PDE5A: variants seen among roughly 807,000 people sequenced by gnomAD.
The protein encoded by PDE5A is phosphodiesterase 5A, also known as cGMP-specific 3',5'-cyclic phosphodiesterase.
PDE5A carries 67 observed loss-of-function variants against 110.2 expected under a neutral mutation model. The ratio of observed to expected loss-of-function variants is 0.61; its 90% CI spans 0.50 to 0.75. The LOEUF (loss-of-function observed/expected upper bound fraction) is 0.75. Among genes scored for constraint, PDE5A ranks in the 30% least tolerant of loss-of-function variants. The probability of loss-of-function intolerance (pLI) is 0.00; values close to 1 mark genes in which losing one functional copy is unlikely to be tolerated. For synonymous variants in PDE5A, 328 were observed against 351.2 expected (o/e 0.93, Z 0.74); for missense variants, 862 against 1,045.1 (o/e 0.82, Z 2.42).
intron 1 of PDE5A, among the ~76,000 whole-genome samples, chr4:119,612,395 C>T (rs909191980): frequency 1.3e-5 from 2 of 152,128 alleles, no homozygotes; most frequent in Admixed American, 6.5e-5. Flanking sequence ...CCCACCATCC[C>T]GTCCTTGTTC....
chr4:119,515,614 C>G (rs1725883012), intron 14 of PDE5A, among the ~76,000 whole-genome samples: 1 of 152,072 alleles, frequency 6.6e-6, no homozygotes, highest in Non-Finnish European at 1.5e-5. Context: ...TACATATTTC[C>G]CAGCTCTTTC....
chr4:119,521,445 A>C (rs1726125310), intron 12 of PDE5A, among the ~76,000 whole-genome samples: 1 of 151,508 alleles, frequency 6.6e-6, no homozygotes, highest in African/African-American at 2.4e-5. Flanking sequence ...GAGAGTCCAA[A>C]GGTTCACATA....
Position 119,498,411 on chromosome 4 carries a change from TA to T in PDE5A, c.*189del. On this transcript the variant is annotated 3_prime_UTR_variant, in exon 21 of 21. Transcript: ENST00000354960. ...TTTCAGTTCAGTAGCATAAAACAAA[TA>T]TACAAAAAATATGTAATAGTCCTCT... 2 of 575,706 alleles carry T rather than the reference TA, an allele frequency of 3.5e-6. No homozygotes were observed. The highest frequency in any genetic ancestry group is 5.6e-5 in the East Asian group (2 of 35,480). 35.7% of individuals were successfully genotyped at this position (575,706 alleles called of 1,614,324 possible).
chr4:119,560,313 T>C lies in PDE5A; in HGVS notation c.1182A>G (p.Ser394=), dbSNP rs1328062980. The change falls in exon 7 of 21, where the codon TCA becomes TCG. Residue 394 remains serine, a synonymous_variant. Coordinates refer to ENST00000354960, the MANE Select transcript of PDE5A (RefSeq NM_001083.4). ...GCTTTTACCTTGTTAATGTATCAGA[T>C]GATTTTTCTAATTCCTCACACTCCA... ...FHMECEELEK[S]SDTLTREHDA... is the part of the protein sequence containing the mutation. The C allele has an allele frequency of 6.3e-7, 1 of 1,585,488 alleles. No individual in the cohort carries two copies. The highest frequency in any genetic ancestry group is 1.3e-5 in the African/African-American group (1 of 74,226).
intron 1 of PDE5A, among the ~76,000 whole-genome samples, chr4:119,620,294 G>A (rs1474993622): frequency 2.6e-5 from 4 of 152,150 alleles, no homozygotes; most frequent in Non-Finnish European, 5.9e-5. Flanking sequence ...TGAAGAGTCT[G>A]CCCAAAGTTA....
intron 7 of PDE5A, 41 bp downstream of exon 7, chr4:119,560,255 A>T: frequency 8.9e-7 from 1 of 1,127,760 alleles, no homozygotes; most frequent in Non-Finnish European, 1.3e-6. Flanking sequence ...AGCCAATATT[A>T]TATCATGTGA....
At chr4:119,543,083 C>CACACACACAT (rs1553925473) in intron 9 of PDE5A, 6 of 154,632 alleles carry the variant, frequency 3.9e-5, no homozygotes, top group African/African-American at 1.5e-4. Context: ...CACACACACA[C>CACACACACAT]GGTTACATAC....
At position 119,627,339 on chromosome 4, in the gene PDE5A, C is replaced by G; in HGVS notation, c.152+1181G>C. 1 of 1,101,386 alleles carries G rather than the reference C, an allele frequency of 9.1e-7. No individual in the cohort carries two copies. The highest frequency in any genetic ancestry group is 1.7e-5 in the African/African-American group (1 of 59,826). The allele number at this position is 1,101,386 out of a possible 1,614,324, so 68.2% of individuals were successfully genotyped here. Reference sequence around the variant, plus strand: ...CCGCCGCCCGTCGCCTCCCGCTCGCCCCGCGCTGCGCCGCCCCCTGGCGGG... The same window carrying G: ...CCGCCGCCCGTCGCCTCCCGCTCGCGCCGCGCTGCGCCGCCCCCTGGCGGG... On this transcript the variant is annotated intron_variant, in intron 1 of 20. Coordinates refer to ENST00000354960, the MANE Select transcript of PDE5A (RefSeq NM_001083.4). The surrounding 1 kb of genome is among the most constrained non-coding windows in gnomAD (Gnocchi z 4.6).
intron 1 of PDE5A, among the ~76,000 whole-genome samples, chr4:119,617,801 A>C (rs1006644057): frequency 6.6e-6 from 1 of 152,184 alleles, no homozygotes. Flanking sequence ...TAATGCTAAA[A>C]AGATAATTAT....
At chr4:119,545,641 C>T (rs1358697157) in intron 9 of PDE5A, among the ~76,000 whole-genome samples, 1 of 152,120 alleles carries the variant, frequency 6.6e-6, no homozygotes. Flanking sequence ...ATTGAAGGCA[C>T]CTCTGGAAAT....
intron 12 of PDE5A, among the ~76,000 whole-genome samples, chr4:119,521,488 C>T (rs1341925678): frequency 6.6e-6 from 1 of 151,144 alleles, no homozygotes; most frequent in African/African-American, 2.4e-5. Context: ...GCCATAAAAG[C>T]GGCCACTCCC....
chr4:119,591,000 T>G (rs192484280), intron 3 of PDE5A, among the ~76,000 whole-genome samples: 2 of 152,328 alleles, frequency 1.3e-5, no homozygotes, highest in African/African-American at 4.8e-5. Flanking sequence ...TCGATAAGGG[T>G]GGACTTAGAA....
At chr4:119,528,209 T>A (rs2110475739) in intron 11 of PDE5A, among the ~76,000 whole-genome samples, 1 of 152,164 alleles carries the variant, frequency 6.6e-6, no homozygotes, top group Non-Finnish European at 1.5e-5. Flanking sequence ...AATTATATCA[T>A]AAGTCTTTTT....
intron 4 of PDE5A, among the ~76,000 whole-genome samples, chr4:119,566,444 T>G (rs1411810018): frequency 3.9e-5 from 6 of 152,176 alleles, no homozygotes; most frequent in Non-Finnish European, 1.5e-5. Flanking sequence ...AACCTACTCA[T>G]AGAATGAATT....
At chr4:119,513,403 T>G (rs986785204) in intron 14 of PDE5A, among the ~76,000 whole-genome samples, 90 of 152,238 alleles carry the variant, frequency 5.9e-4, no homozygotes, top group African/African-American at 1.9e-3. Context: ...AGCACCAGTA[T>G]GGGTGGACAT....
At chr4:119,583,886 A>G (rs551116365) in intron 3 of PDE5A, among the ~76,000 whole-genome samples, 242 of 152,302 alleles carry the variant, frequency 1.6e-3, no homozygotes, top group African/African-American at 5.5e-3. Context: ...GTGTGGTCCA[A>G]TGAGTGTTCT....
intron 3 of PDE5A, among the ~76,000 whole-genome samples, chr4:119,583,115 G>C (rs1354295090): frequency 6.6e-6 from 1 of 152,156 alleles, no homozygotes; most frequent in African/African-American, 2.4e-5. Context: ...TCTTCTAATA[G>C]TAGTCTGTTT....
At chr4:119,509,816 G>A (rs1017767354) in intron 15 of PDE5A, among the ~76,000 whole-genome samples, 5 of 152,136 alleles carry the variant, frequency 3.3e-5, no homozygotes, top group African/African-American at 1.2e-4. Flanking sequence ...AGGCGTGAGA[G>A]TGTGTTCCCC....
chr4:119,503,406 A>G (rs1248538648), intron 18 of PDE5A, among the ~76,000 whole-genome samples: 2 of 152,164 alleles, frequency 1.3e-5, no homozygotes, highest in African/African-American at 2.4e-5. Context: ...GCCTCCTGGT[A>G]ACAGGCTCCA....
Sources: gnomAD v4.1 joint callset for allele counts (sites outside exome capture counted in the v4.1 genomes callset) on GRCh38, gnomAD v4.1.1 for gene constraint, Gnocchi (gnomAD v3.1) non-coding constraint, MANE v1.5 for transcripts, NCBI Gene and HGNC (gene_info 2026-07-23, HGNC 2026-07-21) for gene names.